EDC4: variants seen among roughly 807,000 people sequenced by gnomAD.
The protein encoded by EDC4 is enhancer of mRNA-decapping protein 4.
A neutral mutation model predicts 155.8 loss-of-function variants in EDC4; 64 were observed. That is an observed-to-expected ratio of 0.41 (90% confidence interval 0.34 to 0.51). The LOEUF is 0.51. EDC4 is among the 20% of genes least tolerant of loss of function. The probability of loss-of-function intolerance (pLI) is 0.19; values close to 1 mark genes in which losing one functional copy is unlikely to be tolerated. For missense variants in EDC4, 1,303 were observed against 1,812.5 expected, an observed-to-expected ratio of 0.72 and a Z score of 5.10; for synonymous variants, 684 against 716.8, an observed-to-expected ratio of 0.95 and a Z score of 0.73.
Position 67,881,032 on chromosome 16 carries a change from C to A in EDC4, c.2531+42C>A. The A allele has an allele frequency of 3.1e-6, 5 of 1,613,976 alleles. No individual in the cohort carries two copies. The highest frequency in any genetic ancestry group is 4.2e-6 in the Non-Finnish European group (5 of 1,180,010). On this transcript the variant is annotated intron_variant, in intron 18 of 28. Transcript: ENST00000358933. This position sits in a 1 kb window ranked among gnomAD's most constrained non-coding sequence, Gnocchi z 5.4. Reference sequence around the variant, plus strand: ...GGGAAAAGTGTGCTAGCAGGAGGGGCTTCAGATAGATTCATCCATGGCTAA... The same window carrying A: ...GGGAAAAGTGTGCTAGCAGGAGGGGATTCAGATAGATTCATCCATGGCTAA...
At position 67,873,768 on chromosome 16, in the gene EDC4, C is replaced by G. The variant is rs892016977; in HGVS notation, c.82+425C>G. 2.0e-5 allele frequency among the ~76,000 whole-genome samples: 3 copies of G among 152,290 alleles called. No homozygotes were observed. In the East Asian group the frequency reaches 5.8e-4, roughly 29 times the overall value. On this transcript the variant is annotated intron_variant, in intron 1 of 28. Transcript: ENST00000358933. ...CTGCCGGTCCCCCTCCATAACTTGC[C>G]CTTCTCTCTGGAATAAAGACTCCAG...
chr16:67,880,306 C>T lies in EDC4; in HGVS notation c.2097+90C>T, dbSNP rs2058061080. 1 of 1,495,282 alleles carries T rather than the reference C, an allele frequency of 6.7e-7. No individual in the cohort carries two copies. The highest frequency in any genetic ancestry group is 2.3e-5 in the East Asian group (1 of 43,860). The allele number at this position is 1,495,282 out of a possible 1,614,324, so 92.6% of individuals were successfully genotyped here. ...GTGGGCTCCTCCCAGCCCCCTGCTG[C>T]TGATCCTGCTCTACCCGACATGGTC... On this transcript the variant is annotated intron_variant, in intron 17 of 28. Coordinates refer to ENST00000358933, the MANE Select transcript of EDC4 (RefSeq NM_014329.5). This position sits in a 1 kb window ranked among gnomAD's most constrained non-coding sequence, Gnocchi z 5.2.
chr16:67,882,103 C>T lies in EDC4; in HGVS notation c.3154C>T (p.Pro1052Ser), dbSNP rs764952257. 1.9e-6 allele frequency: 3 copies of T among 1,613,780 alleles called. No individual in the cohort carries two copies. Among genetic ancestry groups the T allele is most frequent in the East Asian group, 4.5e-5 (2 of 44,886 alleles). The change falls in exon 23 of 29, where the codon CCT (proline) becomes TCT (serine). Residue 1052 changes from proline to serine, a missense_variant. Pro to Ser is a moderately conservative substitution (Grantham distance 74). Coordinates refer to ENST00000358933, the MANE Select transcript of EDC4 (RefSeq NM_014329.5). The surrounding 1 kb of genome is among the most constrained non-coding windows in gnomAD (Gnocchi z 7.2). ...SIRDEIKKTV[P>S]PCVSRSLEPM... is the part of the protein sequence containing the mutation. ...ACGGGATGAGATCAAGAAGACAGTC[C>T]CTCCATGTGAGTTTTGCATGCAGAC...
In EDC4 at chr16:67,879,571, G is replaced by T; in HGVS notation, c.1634-16G>T. The T allele has an allele frequency of 6.2e-7, 1 of 1,613,634 alleles. No individual in the cohort carries two copies. The highest frequency in any genetic ancestry group is 8.5e-7 in the Non-Finnish European group (1 of 1,179,670). ...CAGGGTCTGAGATCTAACTCAAGTG[G>T]CAACTTGCCCTGCAGCATTTGGAGA... On this transcript the variant is annotated splice_polypyrimidine_tract_variant and intron_variant, in intron 14 of 28. Transcript: ENST00000358933. This position sits in a 1 kb window ranked among gnomAD's most constrained non-coding sequence, Gnocchi z 6.0.
At position 67,881,555 on chromosome 16, in the gene EDC4, G is replaced by GTA; in HGVS notation, c.2826+23_2826+24dup. The GTA allele has an allele frequency of 6.2e-7, 1 of 1,613,752 alleles. No homozygotes were observed. Among genetic ancestry groups the GTA allele is most frequent in the Non-Finnish European group, 8.5e-7 (1 of 1,180,008 alleles). ...CCAGGTAAGTGAATGAGCCCACTTT[G>GTA]TACTTGTGGAACTTCACCCTGGGCG... On this transcript the variant is annotated intron_variant, in intron 21 of 28. Transcript: ENST00000358933. This position sits in a 1 kb window ranked among gnomAD's most constrained non-coding sequence, Gnocchi z 5.4.
At chr16:67,874,572 G>A (rs2058034473) in intron 1 of EDC4, among the ~76,000 whole-genome samples, 1 of 152,204 alleles carries the variant, frequency 6.6e-6, no homozygotes. Context: ...GGCCAACCAT[G>A]TACAGCCTGA....
rs1434646140 is a variant in EDC4, at chr16:67,878,719, T to C, written c.1185-18T>C. The stretch of plus-strand genomic sequence containing the variant: ...CTTCAGTTCTCAGGCTCATTCACTC[T>C]GCTTTGTGGCTCTCTAGCTTCTCCC... On this transcript the variant is annotated intron_variant, in intron 10 of 28. Coordinates refer to ENST00000358933, the MANE Select transcript of EDC4 (RefSeq NM_014329.5). This position sits in a 1 kb window ranked among gnomAD's most constrained non-coding sequence, Gnocchi z 5.2. 2 of 1,614,086 alleles carry C rather than the reference T, an allele frequency of 1.2e-6. No homozygotes were observed. The highest frequency in any genetic ancestry group is 2.2e-5 in the East Asian group (1 of 44,896).
chr16:67,882,834 G>C lies in EDC4; in HGVS notation c.3598G>C (p.Val1200Leu), dbSNP rs1036063031. Residue 1200 changes from valine to leucine, a missense_variant, in exon 26 of 29, where the codon GTG becomes CTG. Val to Leu is a conservative substitution (Grantham distance 32, BLOSUM62 1). Around this residue, in one of 5 missense-constraint regions of EDC4, gnomAD observed 527 missense variants for 757.0 expected, o/e 0.70. Transcript: ENST00000358933. The surrounding 1 kb of genome is among the most constrained non-coding windows in gnomAD (Gnocchi z 7.2). ...ATVAGSVRAEVQHQLHVAVGS... is the reference protein window; with the variant it reads ...ATVAGSVRAELQHQLHVAVGS... ...CGTGGCCGGCAGTGTTCGTGCTGAG[G>C]TGCAGCACCAGCTGCATGTGGCTGT... The C allele has an allele frequency of 6.2e-7, 1 of 1,614,030 alleles. No homozygotes were observed. The highest frequency in any genetic ancestry group is 1.3e-5 in the African/African-American group (1 of 74,938).
In EDC4 at chr16:67,879,561, A is replaced by C; in HGVS notation, c.1634-26A>C. The C allele has an allele frequency of 6.2e-7, 1 of 1,613,696 alleles. No homozygotes were observed. On this transcript the variant is annotated intron_variant, in intron 14 of 28. Transcript: ENST00000358933. This position sits in a 1 kb window ranked among gnomAD's most constrained non-coding sequence, Gnocchi z 6.0. ...TTGGACTGACCAGGGTCTGAGATCTAACTCAAGTGGCAACTTGCCCTGCAG... is the reference window on the plus strand; with the variant it reads ...TTGGACTGACCAGGGTCTGAGATCTCACTCAAGTGGCAACTTGCCCTGCAG...
Position 67,884,217 on chromosome 16 carries a change from G to C in EDC4, c.*69G>C. ...CAGCAGACAGGCCTAGGCTGGGGCA[G>C]GGTCACGGCTGGCCTTTACCTGCTC... On this transcript the variant is annotated 3_prime_UTR_variant, in exon 29 of 29. Transcript: ENST00000358933. The surrounding 1 kb of genome is among the most constrained non-coding windows in gnomAD (Gnocchi z 4.1). The C allele has an allele frequency of 7.0e-7, 1 of 1,436,714 alleles. No homozygotes were observed. The highest frequency in any genetic ancestry group is 9.3e-7 in the Non-Finnish European group (1 of 1,074,722). The allele number at this position is 1,436,714 out of a possible 1,614,324, so 89.0% of individuals were successfully genotyped here. A position where few individuals can be genotyped will look rare whatever the true frequency, so the allele number is the denominator to read the frequency against.
chr16:67,873,336 C>G lies in EDC4; in HGVS notation c.75C>G (p.Pro25=), dbSNP rs1174567293. 2.1e-5 allele frequency: 31 copies of G among 1,455,620 alleles called. No homozygotes were observed. The highest frequency in any genetic ancestry group is 2.4e-5 in the Non-Finnish European group (27 of 1,108,748). The allele number at this position is 1,455,620 out of a possible 1,614,324, so 90.2% of individuals were successfully genotyped here. A position where few individuals can be genotyped will look rare whatever the true frequency, so the allele number is the denominator to read the frequency against. ...HLRDILKLDR[P]AGGPSAESPR... ...GGGACATCCTCAAGCTGGACCGGCC[C>G]GCGGGCGGTGAGCGGGGGTTGCGGG... Residue 25 remains proline, a synonymous_variant, in exon 1 of 29, where the codon CCC becomes CCG. Coordinates refer to ENST00000358933, the MANE Select transcript of EDC4 (RefSeq NM_014329.5).
chr16:67,882,609 A>G lies in EDC4; in HGVS notation c.3442+15A>G, dbSNP rs2058073672. ...GACACAGGAATGTGAGTGGGGTCAT[A>G]TGGCCCAAGGTGGGAGGGGTTATCC... On this transcript the variant is annotated intron_variant, in intron 25 of 28. Coordinates refer to ENST00000358933, the MANE Select transcript of EDC4 (RefSeq NM_014329.5). This position sits in a 1 kb window ranked among gnomAD's most constrained non-coding sequence, Gnocchi z 7.2. 2 of 1,614,212 alleles carry G rather than the reference A, an allele frequency of 1.2e-6. No individual in the cohort carries two copies.
rs1367109257 is a variant in EDC4, at chr16:67,884,478, A to G, written c.*330A>G. 1 of 496,422 alleles carries G rather than the reference A, an allele frequency of 2.0e-6. No individual in the cohort carries two copies. The highest frequency in any genetic ancestry group is 3.5e-5 in the East Asian group (1 of 28,510). 30.8% of individuals were successfully genotyped at this position (496,422 alleles called of 1,614,324 possible). A position where few individuals can be genotyped will look rare whatever the true frequency, so the allele number is the denominator to read the frequency against. On this transcript the variant is annotated 3_prime_UTR_variant, in exon 29 of 29. Coordinates refer to ENST00000358933, the MANE Select transcript of EDC4 (RefSeq NM_014329.5). The surrounding 1 kb of genome is among the most constrained non-coding windows in gnomAD (Gnocchi z 4.1). ...TTTTTGAAAAACATTGAGAAATTCA[A>G]TTAAATGCTTTTGGAATAAAATGGA...
rs1005229397 is a variant in EDC4, at chr16:67,879,213, T to A, written c.1469-24T>A. 2 of 1,614,000 alleles carry A rather than the reference T, an allele frequency of 1.2e-6. No homozygotes were observed. Among genetic ancestry groups the A allele is most frequent in the Non-Finnish European group, 1.7e-6 (2 of 1,180,020 alleles). ...GGAGGCACAGAGAGGGCCAGGGGCT[T>A]CATCATCCACACTGTCCTTTCAGAT... On this transcript the variant is annotated intron_variant, in intron 12 of 28. Transcript: ENST00000358933. This position sits in a 1 kb window ranked among gnomAD's most constrained non-coding sequence, Gnocchi z 6.0.
At position 67,883,432 on chromosome 16, in the gene EDC4, A is replaced by C; in HGVS notation, c.3850-136A>C. ...TCCCCTAGGGTAACTACACAGCCCT[A>C]CAGGCTCTCTCTGAGTCCCTCTGGA... On this transcript the variant is annotated intron_variant, in intron 27 of 28. Coordinates refer to ENST00000358933, the MANE Select transcript of EDC4 (RefSeq NM_014329.5). The surrounding 1 kb of genome is among the most constrained non-coding windows in gnomAD (Gnocchi z 5.3). The C allele has an allele frequency of 2.1e-6, 3 of 1,404,816 alleles. No individual in the cohort carries two copies. The highest frequency in any genetic ancestry group is 2.9e-6 in the Non-Finnish European group (3 of 1,027,224). The allele number at this position is 1,404,816 out of a possible 1,614,324, so 87.0% of individuals were successfully genotyped here.
rs946754161 is a variant in EDC4, at chr16:67,884,335, C to T, written c.*187C>T. 36 of 603,280 alleles carry T rather than the reference C, an allele frequency of 6.0e-5. No homozygotes were observed. In the African/African-American group the frequency reaches 6.5e-4, roughly 11 times the overall value. 37.4% of individuals were successfully genotyped at this position (603,280 alleles called of 1,614,324 possible). A position where few individuals can be genotyped will look rare whatever the true frequency, so the allele number is the denominator to read the frequency against. ...GGTAGTCAGAAGGTTTAGCTGGGCC[C>T]AGGGCAGGTATTGCGCCTGCTTGGG... On this transcript the variant is annotated 3_prime_UTR_variant, in exon 29 of 29. Transcript: ENST00000358933. The surrounding 1 kb of genome is among the most constrained non-coding windows in gnomAD (Gnocchi z 4.1).
rs370858216 is a variant in EDC4, at chr16:67,876,654, C to T, written c.351+55C>T. 1.9e-5 allele frequency: 31 copies of T among 1,600,682 alleles called. 2 individuals are homozygous for T. Among genetic ancestry groups the T allele is most frequent in the East Asian group, 1.6e-4 (7 of 44,658 alleles). ...ATGTACGGGGGCACACCCAGCCTTTCCAGTCTCCCTCATGCTGCCAGTTCC... is the reference window on the plus strand; with the variant it reads ...ATGTACGGGGGCACACCCAGCCTTTTCAGTCTCCCTCATGCTGCCAGTTCC... On this transcript the variant is annotated intron_variant, in intron 3 of 28. Transcript: ENST00000358933. The surrounding 1 kb of genome is among the most constrained non-coding windows in gnomAD (Gnocchi z 5.8).
At position 67,881,695 on chromosome 16, in the gene EDC4, G is replaced by A. The variant is rs1373632524; in HGVS notation, c.2854G>A (p.Ala952Thr). The A allele has an allele frequency of 6.2e-7, 1 of 1,613,868 alleles. No individual in the cohort carries two copies. The highest frequency in any genetic ancestry group is 8.5e-7 in the Non-Finnish European group (1 of 1,179,930). Residue 952 changes from alanine (A) to threonine (T), a missense_variant, in exon 22 of 29, where the codon GCA (alanine) becomes ACA (threonine). By Grantham distance (58) the Ala-to-Thr change is moderately conservative (BLOSUM62 0). Coordinates refer to ENST00000358933, the MANE Select transcript of EDC4 (RefSeq NM_014329.5). This position sits in a 1 kb window ranked among gnomAD's most constrained non-coding sequence, Gnocchi z 5.4. The part of the protein sequence containing the change: ...QVAEPPEDWP[A>T]LIWQQQRELA... ...GGCAGAGCCCCCTGAGGACTGGCCA[G>A]CACTAATTTGGCAACAGCAGAGAGA...
rs767798592 is a variant in EDC4 at position 67,880,655 on chromosome 16, C to T, written c.2196C>T (p.Val732=). Residue 732 remains valine, a synonymous_variant, in exon 18 of 29, where the codon GTC becomes GTT. Transcript: ENST00000358933. This position sits in a 1 kb window ranked among gnomAD's most constrained non-coding sequence, Gnocchi z 5.2. ...CTAGCCGCACTCGTTCCCCTGATGT[C>T]ATCTCCTCAGCTTCCACTGCCCTGT... The part of the protein sequence containing the change: ...ASPSRTRSPD[V]ISSASTALSQ... 3.7e-6 allele frequency: 6 copies of T among 1,614,214 alleles called. No individual in the cohort carries two copies. Among genetic ancestry groups the T allele is most frequent in the Admixed American group, 1.7e-5 (1 of 60,026 alleles).
Sources: allele counts gnomAD v4.1 joint callset (sites outside exome capture counted in the v4.1 genomes callset), GRCh38; gene constraint gnomAD v4.1.1; regional missense constraint gnomAD v4.1.1; non-coding constraint Gnocchi (gnomAD v3.1); transcripts MANE v1.5; gene names NCBI Gene and HGNC (gene_info 2026-07-23, HGNC 2026-07-21).